Variants in PHC2 observed in about 807,000 individuals in gnomAD.
PHC2 encodes polyhomeotic-like protein 2.
In PHC2, 29 loss-of-function variants were observed where a neutral mutation model predicts 87.4. The observed-to-expected ratio is 0.33, with a 90% CI of 0.25 to 0.45. The LOEUF (loss-of-function observed/expected upper bound fraction) is 0.45. Ranked by LOEUF, PHC2 falls within the 20% of genes least tolerant of loss-of-function variation. PHC2 has a pLI of 1.00. For missense variants in PHC2, 857 were observed against 1,136.7 expected, an observed-to-expected ratio of 0.75 and a Z score of 3.54; for synonymous variants, 438 against 461.7, an observed-to-expected ratio of 0.95 and a Z score of 0.66.
chr1:33,416,189 C>G (rs1650194721), intron 1 of PHC2, among the ~76,000 whole-genome samples: 1 of 152,054 alleles, frequency 6.6e-6, no homozygotes, highest in South Asian at 2.1e-4. Context: ...CAAGGAACAT[C>G]ATAATAAAAC....
In PHC2 at chr1:33,382,289, G is replaced by C. The variant is rs1648531469; in HGVS notation, c.-54-6696C>G. ...CGGAGGCATTCTGCAGTCTCAGTAA[G>C]GGCTACTGAGGCATCTGTGGACTCT... On this transcript the variant is annotated intron_variant, in intron 1 of 14. Transcript: ENST00000683057. The surrounding 1 kb of genome is among the most constrained non-coding windows in gnomAD (Gnocchi z 4.3). Among the ~76,000 whole-genome samples, 1 of 152,012 alleles carries C rather than the reference G, an allele frequency of 6.6e-6. No homozygotes were observed. Among genetic ancestry groups the C allele is most frequent in the Non-Finnish European group, 1.5e-5 (1 of 68,014 alleles).
chr1:33,396,308 T>A (rs1055653046), intron 1 of PHC2, among the ~76,000 whole-genome samples: 12 of 152,008 alleles, frequency 7.9e-5, no homozygotes, highest in Admixed American at 2.6e-4. Flanking sequence ...TGGCACGTGG[T>A]ACCTCAAAGG....
chr1:33,354,670 A>T, intron 8 of PHC2, 104 bp from the exon 9 acceptor site: 1 of 1,361,014 alleles, frequency 7.3e-7, no homozygotes, highest in Admixed American at 2.4e-5. Flanking sequence ...TAAGGACCTT[A>T]AGATTCAGTC....
chr1:33,380,127 TCA>T (rs946565723), intron 1 of PHC2, among the ~76,000 whole-genome samples: 5 of 152,236 alleles, frequency 3.3e-5, no homozygotes, highest in African/African-American at 9.6e-5. Context: ...GTGTGCTCTC[TCA>T]CTCTCTTGAC....
intron 14 of PHC2, 152 bp downstream of exon 14, chr1:33,328,718 A>T: frequency 3.1e-6 from 2 of 647,212 alleles, no homozygotes; most frequent in East Asian, 5.3e-5. Flanking sequence ...GCAAGCTCTT[A>T]TAGGCAGGGA....
intron 1 of PHC2, among the ~76,000 whole-genome samples, chr1:33,417,944 T>C (rs986855730): frequency 2.0e-5 from 3 of 152,160 alleles, no homozygotes; most frequent in Non-Finnish European, 2.9e-5. Context: ...AAATCTCTAA[T>C]ATTTGAAAAC....
intron 7 of PHC2, among the ~76,000 whole-genome samples, chr1:33,365,497 T>G (rs1647398514): frequency 6.6e-6 from 1 of 152,160 alleles, no homozygotes; most frequent in South Asian, 2.1e-4. Flanking sequence ...GCATGCGGAT[T>G]GAATGAGAAA....
chr1:33,370,892 G>A (rs749394614), intron 4 of PHC2, 125 bp downstream of exon 4: 120 of 823,740 alleles, frequency 1.5e-4, no homozygotes, highest in South Asian at 2.6e-4. Flanking sequence ...TTTTCTTCCC[G>A]GTAAGGGCAA....
At chr1:33,353,686 C>T (rs1313925389) in intron 9 of PHC2, among the ~76,000 whole-genome samples, 7 of 152,200 alleles carry the variant, frequency 4.6e-5, no homozygotes, top group African/African-American at 1.7e-4. Flanking sequence ...GAACTGCCTC[C>T]CTGAGTTGCA....
At chr1:33,341,509 C>G (rs1299698518) in intron 9 of PHC2, among the ~76,000 whole-genome samples, 1 of 152,166 alleles carries the variant, frequency 6.6e-6, no homozygotes, top group African/African-American at 2.4e-5. Context: ...TAAGCAGGAT[C>G]CCTGAATCTA....
At chr1:33,347,523 T>A in intron 9 of PHC2, 1 of 985,364 alleles carries the variant, frequency 1.0e-6, no homozygotes, top group South Asian at 4.7e-5. Context: ...AACACCAACA[T>A]TCATTAAGCA....
chr1:33,416,692 A>G (rs1192144841), intron 1 of PHC2, among the ~76,000 whole-genome samples: 1 of 152,118 alleles, frequency 6.6e-6, no homozygotes, highest in Non-Finnish European at 1.5e-5. Flanking sequence ...CTATTAACCT[A>G]GAATTCTTTA....
chr1:33,409,538 T>C (rs961500811), intron 1 of PHC2, among the ~76,000 whole-genome samples: 2 of 152,218 alleles, frequency 1.3e-5, no homozygotes, highest in African/African-American at 4.8e-5. Context: ...CCAAATCTTC[T>C]ATAATGAAAA....
At chr1:33,430,117 A>C (rs78855627) in intron 1 of PHC2, among the ~76,000 whole-genome samples, 3,453 of 152,188 alleles carry the variant, frequency 0.023, 57 homozygotes, top group Middle Eastern at 0.058. Context: ...CTTCTGTAGC[A>C]GACCTGGGGA....
At chr1:33,415,328 G>A (rs967514149) in intron 1 of PHC2, among the ~76,000 whole-genome samples, 4 of 152,212 alleles carry the variant, frequency 2.6e-5, no homozygotes, top group South Asian at 2.1e-4. Flanking sequence ...TTACAGGGCT[G>A]TAAATAGTTT....
intron 1 of PHC2, among the ~76,000 whole-genome samples, chr1:33,389,442 ATCT>A (rs1170382627): frequency 1.3e-5 from 2 of 152,166 alleles, no homozygotes; most frequent in African/African-American, 4.8e-5. Context: ...CCTTTCCTCC[ATCT>A]TCTTTGGGAC....
intron 1 of PHC2, among the ~76,000 whole-genome samples, chr1:33,395,441 T>A (rs1478627277): frequency 8.0e-6 from 1 of 124,972 alleles, no homozygotes; most frequent in African/African-American, 3.4e-5. Context: ...ACATTTTACC[T>A]TAAGATAAAA....
At chr1:33,327,793 C>T (rs1356949558) in intron 14 of PHC2, among the ~76,000 whole-genome samples, 9 of 152,172 alleles carry the variant, frequency 5.9e-5, no homozygotes, top group African/African-American at 9.7e-5. Flanking sequence ...GGGCAAATCA[C>T]GTGAGTGAGG....
At chr1:33,378,910 A>G (rs1222730992) in intron 1 of PHC2, among the ~76,000 whole-genome samples, 6 of 152,050 alleles carry the variant, frequency 3.9e-5, no homozygotes, top group Non-Finnish European at 8.8e-5. Context: ...TTTCACATTA[A>G]TGAGAGCATG....
Sources: gnomAD v4.1 joint callset for allele counts (sites outside exome capture counted in the v4.1 genomes callset) on GRCh38, gnomAD v4.1.1 for gene constraint, Gnocchi (gnomAD v3.1) non-coding constraint, MANE v1.5 for transcripts, NCBI Gene and HGNC (gene_info 2026-07-23, HGNC 2026-07-21) for gene names.